PRDM16: variants seen among roughly 807,000 people sequenced by gnomAD.
PRDM16 encodes the protein PR/SET domain 16.
A neutral mutation model predicts 110.6 loss-of-function variants in PRDM16; 23 were observed. The ratio of observed to expected loss-of-function variants is 0.21; its 90% confidence interval spans 0.15 to 0.29. The LOEUF (loss-of-function observed/expected upper bound fraction) is 0.29, where lower values mean the gene tolerates loss of function less well. Among genes scored for constraint, PRDM16 ranks in the 10% least tolerant of loss-of-function variants. The pLI is 1.00. For missense variants in PRDM16, 1,615 were observed against 1,794.3 expected (o/e 0.90, Z 1.81); for synonymous variants, 799 against 781.8 (o/e 1.02, Z -0.37).
intron 1 of PRDM16, among the ~76,000 whole-genome samples, chr1:3,101,526 C>T (rs1395515556): frequency 2.0e-5 from 3 of 152,200 alleles, no homozygotes; most frequent in Non-Finnish European, 4.4e-5. Context: ...GAAGGGGACA[C>T]GGGGCCTGGA....
At chr1:3,075,056 G>C (rs535247101) in intron 1 of PRDM16, among the ~76,000 whole-genome samples, 1 of 152,362 alleles carries the variant, frequency 6.6e-6, no homozygotes, top group Non-Finnish European at 1.5e-5. Flanking sequence ...TCACTCTTGG[G>C]CTTTTGCCAT....
Position 3,412,795 on chromosome 1 carries a change from C to T in PRDM16, c.2598C>T (p.Ile866=), listed in dbSNP as rs1643715591. 2.1e-6 allele frequency: 3 copies of T among 1,460,076 alleles called. No individual in the cohort carries two copies. In the African/African-American group the frequency reaches 4.4e-5, roughly 21 times the overall value. 90.4% of individuals were successfully genotyped at this position (1,460,076 alleles called of 1,614,324 possible). The change falls in exon 9 of 17, where the codon ATC becomes ATT. Residue 866 remains isoleucine, a synonymous_variant. Transcript: ENST00000270722. The part of the protein sequence containing the change: ...AKPSPFFMDP[I]YSRVEKRKVT... ...CCTCGCCCTTCTTCATGGACCCCATCTACAGGTATTCAGCACCCCAGCCTC... is the reference window on the plus strand; with the variant it reads ...CCTCGCCCTTCTTCATGGACCCCATTTACAGGTATTCAGCACCCCAGCCTC...
chr1:3,200,374 G>A (rs185007148), intron 2 of PRDM16, among the ~76,000 whole-genome samples: 1 of 152,050 alleles, frequency 6.6e-6, no homozygotes, highest in Non-Finnish European at 1.5e-5. Context: ...ATGGAGTCTT[G>A]CTCTGCTGCC....
At position 3,400,911 on chromosome 1, in the gene PRDM16, T is replaced by C. The variant is rs375291628; in HGVS notation, c.677-1880T>C. On this transcript the variant is annotated intron_variant, in intron 5 of 16. Coordinates refer to ENST00000270722, the MANE Select transcript of PRDM16 (RefSeq NM_022114.4). ...TCCCTGTCAGCCAGATACTTACCTC[T>C]GTCCAAAGACGGCACCAAAAATCAC... 2.6e-5 allele frequency among the ~76,000 whole-genome samples: 4 copies of C among 152,096 alleles called. No homozygotes were observed. In the East Asian group the frequency reaches 7.7e-4, roughly 29 times the overall value.
At chr1:3,374,687 G>A (rs1229452606) in intron 3 of PRDM16, among the ~76,000 whole-genome samples, 1 of 152,222 alleles carries the variant, frequency 6.6e-6, no homozygotes, top group African/African-American at 2.4e-5. Context: ...ATTCTCTAAG[G>A]CAGAGCGCAC....
rs1310124284 is a variant in PRDM16 at position 3,359,133 on chromosome 1, G to A, written c.439-26019G>A. 2.6e-5 allele frequency among the ~76,000 whole-genome samples: 4 copies of A among 152,094 alleles called. No individual in the cohort carries two copies. The highest frequency in any genetic ancestry group is 9.7e-5 in the African/African-American group (4 of 41,410). On this transcript the variant is annotated intron_variant, in intron 3 of 16. Transcript: ENST00000270722. This position sits in a 1 kb window ranked among gnomAD's most constrained non-coding sequence, Gnocchi z 4.3. ...CGGCACACTGCAGCCTCCACCTCCC[G>A]GGCTCAAGCGATCCTCCCTCCTCAG...
At chr1:3,282,774 G>A (rs900752324) in intron 3 of PRDM16, among the ~76,000 whole-genome samples, 4 of 152,144 alleles carry the variant, frequency 2.6e-5, no homozygotes, top group South Asian at 2.1e-4. Context: ...ACTGTTGTCC[G>A]TCTGAAGCCT....
intron 16 of PRDM16, among the ~76,000 whole-genome samples, chr1:3,433,072 A>G (rs2483246): frequency 0.3 from 46,180 of 152,148 alleles, 9,820 homozygotes; most frequent in African/African-American, 0.58. Flanking sequence ...GGCCGTCCCA[A>G]ACCAGACACG....
rs1642540087 is a variant in PRDM16 at position 3,353,761 on chromosome 1, C to T, written c.439-31391C>T. Among the ~76,000 whole-genome samples, 1 of 152,162 alleles carries T rather than the reference C, an allele frequency of 6.6e-6. No individual in the cohort carries two copies. The highest frequency in any genetic ancestry group is 2.4e-5 in the African/African-American group (1 of 41,450). Reference sequence around the variant, plus strand: ...GTGGCCAAGGGGGTTGCACTTGGGGCCGGACCTCCTGACTCCTGCCTCTGT... The same window carrying T: ...GTGGCCAAGGGGGTTGCACTTGGGGTCGGACCTCCTGACTCCTGCCTCTGT... On this transcript the variant is annotated intron_variant, in intron 3 of 16. Transcript: ENST00000270722. The surrounding 1 kb of genome is among the most constrained non-coding windows in gnomAD (Gnocchi z 5.4).
In PRDM16 at chr1:3,438,127, A is replaced by G. The variant is rs1378789074; in HGVS notation, c.*4316A>G. 1 of 204,890 alleles carries G rather than the reference A, an allele frequency of 4.9e-6. No individual in the cohort carries two copies. The highest frequency in any genetic ancestry group is 2.3e-5 in the African/African-American group (1 of 43,674). 12.7% of individuals were successfully genotyped at this position (204,890 alleles called of 1,614,324 possible). On this transcript the variant is annotated 3_prime_UTR_variant, in exon 17 of 17. Coordinates refer to ENST00000270722, the MANE Select transcript of PRDM16 (RefSeq NM_022114.4). ...CATATAATGTTTAAAAAGACCATTG[A>G]GAAGGAGGCTGGCGCTCGCCCCATG...
At chr1:3,106,646 T>C (rs1279986081) in intron 1 of PRDM16, among the ~76,000 whole-genome samples, 2 of 151,282 alleles carry the variant, frequency 1.3e-5, no homozygotes, top group Non-Finnish European at 3.0e-5. Context: ...ACACATGGGG[T>C]TTGGGAAAGG....
At position 3,365,233 on chromosome 1, in the gene PRDM16, G is replaced by T. The variant is rs371962439; in HGVS notation, c.439-19919G>T. On this transcript the variant is annotated intron_variant, in intron 3 of 16. Coordinates refer to ENST00000270722, the MANE Select transcript of PRDM16 (RefSeq NM_022114.4). ...GCAGTGACCCTGGGCGCCCTGTGCC[G>T]CCGTCCTCCTCTGCCACACACTCAG... is the stretch of plus-strand genomic sequence containing the variant. Among the ~76,000 whole-genome samples, 16 of 152,290 alleles carry T rather than the reference G, an allele frequency of 1.1e-4. No homozygotes were observed. The East Asian group carries it at 1.9e-3, about 18-fold the overall frequency.
intron 4 of PRDM16, among the ~76,000 whole-genome samples, chr1:3,388,015 G>A (rs551344917): frequency 6.6e-6 from 1 of 152,354 alleles, no homozygotes; most frequent in Admixed American, 6.5e-5. Context: ...CCTTGACCAC[G>A]GGAACGTGGG....
chr1:3,310,852 C>G (rs2483261), intron 3 of PRDM16, among the ~76,000 whole-genome samples: 28,738 of 151,876 alleles, frequency 0.19, 3,288 homozygotes, highest in Middle Eastern at 0.34. Flanking sequence ...TATGTGTGCA[C>G]ATATAAGTGT....
rs74570839 is a variant in PRDM16, at chr1:3,319,668, G to A, written c.439-65484G>A. ...AATCTACCCCTTTGCTGGCTGCTTG[G>A]GGAAATCGAAGCCTAGGGGTCCACT... On this transcript the variant is annotated intron_variant, in intron 3 of 16. Coordinates refer to ENST00000270722, the MANE Select transcript of PRDM16 (RefSeq NM_022114.4). Among the ~76,000 whole-genome samples, 1,181 of 152,238 alleles carry A rather than the reference G, an allele frequency of 7.8e-3. 19 individuals carry two copies. The highest frequency in any genetic ancestry group is 0.027 in the African/African-American group (1,122 of 41,552).
chr1:3,099,077 A>T (rs1266175785), intron 1 of PRDM16, among the ~76,000 whole-genome samples: 1 of 152,056 alleles, frequency 6.6e-6, no homozygotes, highest in Non-Finnish European at 1.5e-5. Context: ...GCCGTGTGGG[A>T]GCGCTGAGAA....
intron 1 of PRDM16, among the ~76,000 whole-genome samples, chr1:3,106,568 G>A (rs2993497): frequency 0.36 from 54,935 of 152,128 alleles, 10,242 homozygotes; most frequent in South Asian, 0.55. Context: ...GGCTGGACAA[G>A]GTGGGGCTTG....
chr1:3,204,474 C>A (rs1234963315), intron 2 of PRDM16, among the ~76,000 whole-genome samples: 1 of 152,236 alleles, frequency 6.6e-6, no homozygotes, highest in African/African-American at 2.4e-5. Flanking sequence ...GACACACACC[C>A]TCCTGGAAGA....
chr1:3,202,950 G>A (rs1638667943), intron 2 of PRDM16, among the ~76,000 whole-genome samples: 1 of 152,230 alleles, frequency 6.6e-6, no homozygotes, highest in Non-Finnish European at 1.5e-5. Flanking sequence ...TTGGTGTGGG[G>A]GAAGGAGTTT....
Sources: gnomAD v4.1 joint callset for allele counts (sites outside exome capture counted in the v4.1 genomes callset) on GRCh38, gnomAD v4.1.1 for gene constraint, Gnocchi (gnomAD v3.1) non-coding constraint, MANE v1.5 for transcripts, NCBI Gene and HGNC (gene_info 2026-07-23, HGNC 2026-07-21) for gene names.